Variants in QKI observed in about 807,000 individuals in gnomAD.
The protein encoded by QKI is KH domain-containing RNA-binding protein QKI.
Under a neutral mutation model 39.0 loss-of-function variants are expected in QKI, and 10 were observed. That is an observed-to-expected ratio of 0.26 (90% confidence interval 0.16 to 0.43). QKI has a LOEUF of 0.43. QKI is among the 20% of genes least tolerant of loss of function. The pLI is 1.00. For missense variants in QKI, 218 were observed against 428.0 expected (o/e 0.51, Z 4.33); for synonymous variants, 204 against 155.4 (o/e 1.31, Z -2.33).
chr6:163,441,645 G>A (rs1313474195), intron 1 of QKI, among the ~76,000 whole-genome samples: 1 of 152,146 alleles, frequency 6.6e-6, no homozygotes, highest in East Asian at 1.9e-4. Context: ...ATGGATTGAG[G>A]CAAGTTGCTG....
At chr6:163,490,077 T>C (rs1410618011) in intron 3 of QKI, among the ~76,000 whole-genome samples, 1 of 152,182 alleles carries the variant, frequency 6.6e-6, no homozygotes, top group Non-Finnish European at 1.5e-5. Context: ...TTATCAACTT[T>C]CATGAATCCA....
intron 1 of QKI, among the ~76,000 whole-genome samples, chr6:163,442,714 G>A (rs1365196237): frequency 6.6e-6 from 1 of 152,190 alleles, no homozygotes; most frequent in Non-Finnish European, 1.5e-5. Flanking sequence ...ACAAATTTTG[G>A]GGAAGGCTTA....
chr6:163,508,627 T>C (rs1400700846), intron 3 of QKI, among the ~76,000 whole-genome samples: 2 of 150,952 alleles, frequency 1.3e-5, no homozygotes, highest in African/African-American at 4.9e-5. Context: ...CCTCCTGAGC[T>C]CAAGCAATTC....
intron 1 of QKI, chr6:163,429,166 T>G (rs141117383): frequency 4.4e-4 from 67 of 152,350 alleles, no homozygotes; most frequent in African/African-American, 1.6e-3. Flanking sequence ...GATTGTTTCT[T>G]ATAGTTGTTA....
chr6:163,536,113 A>T (rs1227597359), intron 4 of QKI, among the ~76,000 whole-genome samples: 1 of 152,250 alleles, frequency 6.6e-6, no homozygotes, highest in East Asian at 1.9e-4. Context: ...CATTAACTTG[A>T]TGAAATTAAT....
At position 163,570,727 on chromosome 6, in the gene QKI, C is replaced by T; in HGVS notation, c.*17C>T. On this transcript the variant is annotated 3_prime_UTR_variant, in exon 8 of 8. Transcript: ENST00000361752. ...GGCAACTAACCTATGACCTTCTGACCTCTGAACTCTTCACCCAATGATGAC... is the reference window on the plus strand; with the variant it reads ...GGCAACTAACCTATGACCTTCTGACTTCTGAACTCTTCACCCAATGATGAC... 1.2e-6 allele frequency: 2 copies of T among 1,612,712 alleles called. No individual in the cohort carries two copies. The highest frequency in any genetic ancestry group is 1.1e-5 in the South Asian group (1 of 90,806).
intron 3 of QKI, among the ~76,000 whole-genome samples, chr6:163,489,424 C>CTGTG (rs66826538): frequency 0.033 from 4,922 of 148,986 alleles, 170 homozygotes; most frequent in African/African-American, 0.085. Flanking sequence ...AGAAGTTATG[C>CTGTG]TGTGTGTGTG....
At chr6:163,460,041 A>G (rs1439481538) in intron 2 of QKI, among the ~76,000 whole-genome samples, 1 of 152,190 alleles carries the variant, frequency 6.6e-6, no homozygotes, top group African/African-American at 2.4e-5. Flanking sequence ...ATCAATTTCA[A>G]GTTGTTAGAA....
At chr6:163,470,824 T>C (rs1292591544) in intron 2 of QKI, among the ~76,000 whole-genome samples, 1 of 152,058 alleles carries the variant, frequency 6.6e-6, no homozygotes, top group Non-Finnish European at 1.5e-5. Flanking sequence ...AGAAGAAAAT[T>C]TTCAGCATGG....
intron 1 of QKI, among the ~76,000 whole-genome samples, chr6:163,422,768 C>G (rs978276057): frequency 1.3e-5 from 2 of 152,032 alleles, no homozygotes; most frequent in East Asian, 1.9e-4. Context: ...AAGGTTGGCC[C>G]CGGGATTGAA....
At chr6:163,474,600 A>C (rs1377376771) in intron 2 of QKI, among the ~76,000 whole-genome samples, 1 of 152,004 alleles carries the variant, frequency 6.6e-6, no homozygotes, top group Non-Finnish European at 1.5e-5. Flanking sequence ...AACAAAAGTA[A>C]AAACAAGTAA....
At chr6:163,445,965 T>A (rs971376457) in intron 1 of QKI, among the ~76,000 whole-genome samples, 4 of 152,196 alleles carry the variant, frequency 2.6e-5, no homozygotes, top group Non-Finnish European at 4.4e-5. Context: ...ATTAGTTGGT[T>A]AAGGCGATGT....
intron 1 of QKI, 112 bp downstream of exon 1, chr6:163,415,447 C>T (rs2128205301): frequency 3.9e-6 from 4 of 1,015,640 alleles, no homozygotes; most frequent in Non-Finnish European, 3.9e-6. Flanking sequence ...GACCGAGCGC[C>T]GGGGGGACTG....
At chr6:163,417,961 G>A (rs1255064756) in intron 1 of QKI, among the ~76,000 whole-genome samples, 1 of 151,990 alleles carries the variant, frequency 6.6e-6, no homozygotes, top group Non-Finnish European at 1.5e-5. Flanking sequence ...AAAAATATTG[G>A]TTTCTGAAGT....
At chr6:163,417,219 G>C (rs1004186450) in intron 1 of QKI, among the ~76,000 whole-genome samples, 6 of 151,954 alleles carry the variant, frequency 3.9e-5, no homozygotes, top group African/African-American at 1.2e-4. Flanking sequence ...TTAAGTTAAA[G>C]TTTTAGTAGT....
At chr6:163,452,964 G>A (rs1293856259) in intron 1 of QKI, among the ~76,000 whole-genome samples, 1 of 152,170 alleles carries the variant, frequency 6.6e-6, no homozygotes, top group Non-Finnish European at 1.5e-5. Context: ...CTGACCTCAA[G>A]TGGTCTGCCT....
intron 1 of QKI, among the ~76,000 whole-genome samples, chr6:163,439,585 C>CTCAGGT (rs1486651408): frequency 6.6e-6 from 1 of 151,188 alleles, no homozygotes; most frequent in Admixed American, 6.6e-5. Context: ...AACTGCTGAC[C>CTCAGGT]TCAGGTGATC....
At chr6:163,506,031 G>A (rs949559086) in intron 3 of QKI, among the ~76,000 whole-genome samples, 1 of 152,062 alleles carries the variant, frequency 6.6e-6, no homozygotes, top group Non-Finnish European at 1.5e-5. Context: ...GAGATCTGGT[G>A]GTTTAAAAAG....
intron 1 of QKI, among the ~76,000 whole-genome samples, chr6:163,446,749 A>G (rs1393775142): frequency 6.6e-6 from 1 of 152,206 alleles, no homozygotes; most frequent in African/African-American, 2.4e-5. Context: ...AAGGCTGCCT[A>G]TCCAATTAAG....
Sources: gnomAD v4.1 joint callset for allele counts (sites outside exome capture counted in the v4.1 genomes callset) on GRCh38, gnomAD v4.1.1 for gene constraint, MANE v1.5 for transcripts, NCBI Gene and HGNC (gene_info 2026-07-23, HGNC 2026-07-21) for gene names.